The following CLEC2A variants were observed in gnomAD, a reference collection of about 807,000 sequenced individuals.
CLEC2A encodes the protein keratinocyte-associated C-type lectin.
CLEC2A carries 19 observed loss-of-function variants against 18.6 expected under a neutral mutation model. The observed-to-expected ratio is 1.02, with a 90% CI of 0.71 to 1.50. The LOEUF (loss-of-function observed/expected upper bound fraction) is 1.50, where lower values mean the gene tolerates loss of function less well. Ranked by LOEUF, CLEC2A falls within the 40% of genes most tolerant of loss-of-function variation. The probability of loss-of-function intolerance (pLI) is 0.00; values close to 1 mark genes in which losing one functional copy is unlikely to be tolerated. For missense variants in CLEC2A, 190 were observed against 207.9 expected, an observed-to-expected ratio of 0.91 and a Z score of 0.53; for synonymous variants, 74 against 64.0, an observed-to-expected ratio of 1.16 and a Z score of -0.75.
chr12:9,898,740 G>A, exon 5 of CLEC2A: 1 of 503,252 alleles, frequency 2.0e-6, no homozygotes, highest in Non-Finnish European at 3.6e-6. Flanking sequence ...AATCAAAGAT[G>A]GAAAGAGGAG....
chr12:9,891,223 A>T, the CLEC2A span, among the ~76,000 whole-genome samples: 1 of 151,648 alleles, frequency 6.6e-6, no homozygotes. Flanking sequence ...GACAATGGCT[A>T]TATGTGTATG....
downstream of CLEC2A, among the ~76,000 whole-genome samples, chr12:9,893,837 G>T (rs1245739074): frequency 6.6e-6 from 1 of 151,998 alleles, no homozygotes; most frequent in East Asian, 1.9e-4. Context: ...TTTCTAAGCT[G>T]ATTTAAATCT....
downstream of CLEC2A, among the ~76,000 whole-genome samples, chr12:9,912,652 A>G (rs111666457): frequency 1.8e-3 from 219 of 125,078 alleles, no homozygotes; most frequent in African/African-American, 6.8e-3. Flanking sequence ...TCTGGGTTTT[A>G]TTGGGTGAAA....
At chr12:9,915,770 A>G (rs1215739220) in intron 4 of CLEC2A, among the ~76,000 whole-genome samples, 1 of 152,204 alleles carries the variant, frequency 6.6e-6, no homozygotes, top group Non-Finnish European at 1.5e-5. Flanking sequence ...TCAAACCTAG[A>G]TGATGGATTG....
At chr12:9,892,893 T>C in the CLEC2A span, 1 of 810,360 alleles carries the variant, frequency 1.2e-6, no homozygotes, top group Non-Finnish European at 1.8e-6. Flanking sequence ...CTGAACTCCT[T>C]TTTATTGACC....
downstream of CLEC2A, among the ~76,000 whole-genome samples, chr12:9,894,126 T>TTCTCTCTC (rs141327204): frequency 0.016 from 2,089 of 130,238 alleles, 45 homozygotes; most frequent in African/African-American, 0.038. Context: ...TTTCTTTTCT[T>TTCTCTCTC]TCTCTCTCTC....
chr12:9,884,717 A>C, the CLEC2A span, among the ~76,000 whole-genome samples: 6 of 151,014 alleles, frequency 4.0e-5, no homozygotes, highest in African/African-American at 1.5e-4. Flanking sequence ...ACACCACCAA[A>C]TAATTAACAA....
the CLEC2A span, chr12:9,888,671 T>G: frequency 1.1e-6 from 1 of 933,286 alleles, no homozygotes; most frequent in South Asian, 1.4e-5. Context: ...TTTATTCTCA[T>G]GTACCTAGAT....
downstream of CLEC2A, among the ~76,000 whole-genome samples, chr12:9,896,282 G>T (rs1024829906): frequency 1.3e-4 from 20 of 152,140 alleles, no homozygotes; most frequent in Admixed American, 1.3e-3. Context: ...GTTTGGTGGG[G>T]AGTGGGTAAT....
chr12:9,914,327 A>G (rs1863034610), intron 4 of CLEC2A, among the ~76,000 whole-genome samples: 1 of 152,196 alleles, frequency 6.6e-6, no homozygotes, highest in African/African-American at 2.4e-5. Context: ...CCATCAAACT[A>G]CCTTTGACAT....
chr12:9,926,438 G>A (rs1020040068), intron 1 of CLEC2A, 95 bp from the exon 2 acceptor site: 34 of 774,108 alleles, frequency 4.4e-5, no homozygotes, highest in Non-Finnish European at 5.9e-5. Context: ...TGTTAATCAG[G>A]AAACCCTCAA....
the CLEC2A span, among the ~76,000 whole-genome samples, chr12:9,880,256 C>T: frequency 6.9e-3 from 1,056 of 152,176 alleles, 12 homozygotes; most frequent in African/African-American, 0.024. Flanking sequence ...GATGACTTGT[C>T]GGAAACTCAA....
At chr12:9,886,481 T>A in the CLEC2A span, among the ~76,000 whole-genome samples, 81 of 152,190 alleles carry the variant, frequency 5.3e-4, 1 homozygote, top group African/African-American at 1.8e-3. Flanking sequence ...AAATAAAGCA[T>A]AAAAGACAGC....
At chr12:9,911,632 T>C (rs117199671), downstream of CLEC2A, among the ~76,000 whole-genome samples, 1 of 152,358 alleles carries the variant, frequency 6.6e-6, no homozygotes, top group Non-Finnish European at 1.5e-5. Flanking sequence ...AAGATTAAAG[T>C]CATGTGAACT....
chr12:9,910,331 G>C (rs1862966053), downstream of CLEC2A, among the ~76,000 whole-genome samples: 1 of 152,070 alleles, frequency 6.6e-6, no homozygotes, highest in Non-Finnish European at 1.5e-5. Context: ...TCCCATCTTG[G>C]AGGTTTGGTA....
chr12:9,916,647 T>A (rs955480280), intron 4 of CLEC2A, 53 bp downstream of exon 4: 2 of 1,157,042 alleles, frequency 1.7e-6, no homozygotes, highest in Middle Eastern at 1.9e-4. Flanking sequence ...TGATTTAAAA[T>A]TTTTCATATG....
At chr12:9,884,955 A>G in the CLEC2A span, 1 of 1,287,032 alleles carries the variant, frequency 7.8e-7, no homozygotes, top group Non-Finnish European at 1.0e-6. Context: ...TATCCACAAT[A>G]TTATTGTCTT....
intron 3 of CLEC2A, 124 bp from the exon 4 acceptor site, chr12:9,916,927 C>G: frequency 1.6e-6 from 1 of 632,468 alleles, no homozygotes; most frequent in Admixed American, 2.6e-5. Context: ...CCTGATGCTT[C>G]TATAACAACA....
At chr12:9,916,873 C>A (rs1038561344) in intron 3 of CLEC2A, 70 bp from the exon 4 acceptor site, 1 of 864,180 alleles carries the variant, frequency 1.2e-6, no homozygotes, top group Admixed American at 2.1e-5. Context: ...TGCTTCCCAC[C>A]CCAATTATTC....
Sources: gnomAD v4.1 joint callset for allele counts (sites outside exome capture counted in the v4.1 genomes callset) on GRCh38, gnomAD v4.1.1 for gene constraint, MANE v1.5 for transcripts, NCBI Gene and HGNC (gene_info 2026-07-23, HGNC 2026-07-21) for gene names.